CDCA4: variants seen among roughly 807,000 people sequenced by gnomAD.
The protein encoded by CDCA4 is cell division cycle associated 4, also known as cell division cycle-associated protein 4.
For missense variants in CDCA4, 294 were observed against 322.1 expected (o/e 0.91, Z 0.67); for synonymous variants, 130 against 137.0 (o/e 0.95, Z 0.36).
chr14:105,012,025 C>A lies in CDCA4; in HGVS notation c.-6-90G>T, dbSNP rs369116805. 4 of 1,451,278 alleles carry A rather than the reference C, an allele frequency of 2.8e-6. No homozygotes were observed. The Admixed American group carries it at 8.2e-5, about 30-fold the overall frequency. The allele number at this position is 1,451,278 out of a possible 1,614,324, so 89.9% of individuals were successfully genotyped here. Reference sequence around the variant, plus strand: ...ATTTCGTCTGACTGCCCTCACTGTACGCAAGGAGCAGCGACTCCGTAACTG... The same window carrying A: ...ATTTCGTCTGACTGCCCTCACTGTAAGCAAGGAGCAGCGACTCCGTAACTG... On this transcript the variant is annotated intron_variant, in intron 1 of 1. Coordinates refer to ENST00000336219, the MANE Select transcript of CDCA4 (RefSeq NM_017955.4).
chr14:105,011,073 G>T lies in CDCA4; in HGVS notation c.*131C>A. ...GCTGCAGCCCCACTGGTAATGGGCTGTTCTGGGATTTCTCAGAATCAGCAG... is the reference window on the plus strand; with the variant it reads ...GCTGCAGCCCCACTGGTAATGGGCTTTTCTGGGATTTCTCAGAATCAGCAG... On this transcript the variant is annotated 3_prime_UTR_variant, in exon 2 of 2. Coordinates refer to ENST00000336219, the MANE Select transcript of CDCA4 (RefSeq NM_017955.4). The T allele has an allele frequency of 8.7e-7, 1 of 1,154,406 alleles. No individual in the cohort carries two copies. Among genetic ancestry groups the T allele is most frequent in the Non-Finnish European group, 1.2e-6 (1 of 839,282 alleles). 71.5% of individuals were successfully genotyped at this position (1,154,406 alleles called of 1,614,324 possible).
Position 105,011,827 on chromosome 14 carries a change from G to A in CDCA4, c.103C>T (p.Gln35Ter). 1.2e-6 allele frequency: 2 copies of A among 1,613,860 alleles called. No individual in the cohort carries two copies. Among genetic ancestry groups the A allele is most frequent in the Non-Finnish European group, 1.7e-6 (2 of 1,180,042 alleles). ...KTVSSYSLQR[Q>*]SLLDMSLVKL... ...ACCAGAGACATGTCCAGGAGCGACTGCCGCTGCAGGCTGTATGAGGACACT... is the reference window on the plus strand; with the variant it reads ...ACCAGAGACATGTCCAGGAGCGACTACCGCTGCAGGCTGTATGAGGACACT... The change falls in exon 2 of 2, where the codon CAG becomes TAG. Residue 35 changes from glutamine to a stop codon, truncating the protein, a stop_gained. Coordinates refer to ENST00000336219, the MANE Select transcript of CDCA4 (RefSeq NM_017955.4). LOFTEE classifies it low-confidence loss of function (END_TRUNC).
At chr14:105,018,288 G>C (rs1488859198) in intron 1 of CDCA4, among the ~76,000 whole-genome samples, 1 of 152,010 alleles carries the variant, frequency 6.6e-6, no homozygotes, top group African/African-American at 2.4e-5. Flanking sequence ...GGTACCAGGA[G>C]AATATCCCTG....
intron 1 of CDCA4, among the ~76,000 whole-genome samples, chr14:105,019,190 G>A (rs1468939574): frequency 6.6e-6 from 1 of 152,116 alleles, no homozygotes; most frequent in Admixed American, 6.5e-5. Flanking sequence ...AGAGAAAAAC[G>A]AAGAGGGCCA....
chr14:105,012,263 T>C (rs2140908355), intron 1 of CDCA4, among the ~76,000 whole-genome samples: 1 of 152,344 alleles, frequency 6.6e-6, no homozygotes, highest in South Asian at 2.1e-4. Flanking sequence ...GAAATGTAAG[T>C]GTTCGAGAGC....
In CDCA4 at chr14:105,011,105, C is replaced by G; in HGVS notation, c.*99G>C. 1.5e-6 allele frequency: 2 copies of G among 1,377,290 alleles called. No homozygotes were observed. Among genetic ancestry groups the G allele is most frequent in the Non-Finnish European group, 9.7e-7 (1 of 1,027,566 alleles). The allele number at this position is 1,377,290 out of a possible 1,614,324, so 85.3% of individuals were successfully genotyped here. The stretch of plus-strand genomic sequence containing the variant: ...GATTTCTCAGAATCAGCAGACAGGG[C>G]AGCAAGGCTGGGCCGCTGGCGGCAG... On this transcript the variant is annotated 3_prime_UTR_variant, in exon 2 of 2. Coordinates refer to ENST00000336219, the MANE Select transcript of CDCA4 (RefSeq NM_017955.4).
At position 105,011,615 on chromosome 14, in the gene CDCA4, C is replaced by G. The variant is rs529314279; in HGVS notation, c.315G>C (p.Ala105=). The change falls in exon 2 of 2, where the codon GCG becomes GCC. Residue 105 remains alanine, a synonymous_variant. Coordinates refer to ENST00000336219, the MANE Select transcript of CDCA4 (RefSeq NM_017955.4). ...LVSTEILCRA[A]WGQEGAHPAP... is the part of the protein sequence containing the mutation. ...CAGGATGTGCCCCCTCTTGCCCCCA[C>G]GCTGCACGGCACAGGATCTCCGTGG... is the stretch of plus-strand genomic sequence containing the variant. 6 of 1,613,838 alleles carry G rather than the reference C, an allele frequency of 3.7e-6. No homozygotes were observed. Among genetic ancestry groups the G allele is most frequent in the Non-Finnish European group, 5.1e-6 (6 of 1,180,030 alleles).
chr14:105,020,907 A>C (rs1348441553), intron 1 of CDCA4, 92 bp downstream of exon 1: 1 of 151,096 alleles, frequency 6.6e-6, no homozygotes, highest in Non-Finnish European at 1.5e-5. Flanking sequence ...GGAGCCACAG[A>C]CTCCGCGCAC....
At chr14:105,012,061 G>C in intron 1 of CDCA4, 126 bp from the exon 2 acceptor site, 1 of 1,121,812 alleles carries the variant, frequency 8.9e-7, no homozygotes, top group Non-Finnish European at 1.3e-6. Flanking sequence ...GCAGGGACTT[G>C]ACAGAGCTGT....
At chr14:105,012,070 G>A (rs1409232290) in intron 1 of CDCA4, 135 bp from the exon 2 acceptor site, 5 of 1,027,534 alleles carry the variant, frequency 4.9e-6, no homozygotes, top group Non-Finnish European at 4.2e-6. Context: ...TGACAGAGCT[G>A]TAACTCCCTA....
chr14:105,015,007 GCAGGGCAAT>G (rs1900606750), intron 1 of CDCA4, among the ~76,000 whole-genome samples: 1 of 152,214 alleles, frequency 6.6e-6, no homozygotes. Flanking sequence ...GCACGACTGA[GCAGGGCAAT>G]CAGGGCAACT....
chr14:105,020,254 A>G (rs1361081888), intron 1 of CDCA4, among the ~76,000 whole-genome samples: 1 of 152,250 alleles, frequency 6.6e-6, no homozygotes, highest in African/African-American at 2.4e-5. Context: ...TTTTGTGAAC[A>G]GGCAATGTTT....
chr14:105,011,027 G>A lies in CDCA4; in HGVS notation c.*177C>T. ...TCTGCCTGGCGCTCCACAGGGGGGAGGTGAGTGGGACGGGCCTAGGGCTGC... is the reference window on the plus strand; with the variant it reads ...TCTGCCTGGCGCTCCACAGGGGGGAAGTGAGTGGGACGGGCCTAGGGCTGC... On this transcript the variant is annotated 3_prime_UTR_variant, in exon 2 of 2. Coordinates refer to ENST00000336219, the MANE Select transcript of CDCA4 (RefSeq NM_017955.4). 1.4e-6 allele frequency: 1 copy of A among 722,958 alleles called. No homozygotes were observed. Among genetic ancestry groups the A allele is most frequent in the Non-Finnish European group, 2.2e-6 (1 of 451,944 alleles). The allele number at this position is 722,958 out of a possible 1,614,324, so 44.8% of individuals were successfully genotyped here.
Position 105,011,256 on chromosome 14 carries a change from T to A in CDCA4, c.674A>T (p.Lys225Met). 3 of 1,613,552 alleles carry A rather than the reference T, an allele frequency of 1.9e-6. No individual in the cohort carries two copies. The highest frequency in any genetic ancestry group is 2.5e-6 in the Non-Finnish European group (3 of 1,179,860). Residue 225 changes from lysine to methionine, a missense_variant, in exon 2 of 2, where the codon AAG becomes ATG. Transcript: ENST00000336219. ...GTGGTCCAGCTCGCCCAGGTCGGAC[T>A]TGCAGCTGGAGCTAGGGCCTGGGGT... ...PATPGPSSSC[K>M]SDLGELDHVV...
chr14:105,018,283 C>T (rs910921924), intron 1 of CDCA4, among the ~76,000 whole-genome samples: 2 of 151,916 alleles, frequency 1.3e-5, no homozygotes, highest in South Asian at 4.2e-4. Flanking sequence ...ATTCTGGTAC[C>T]AGGAGAATAT....
At chr14:105,013,131 C>T (rs913755175) in intron 1 of CDCA4, among the ~76,000 whole-genome samples, 4 of 152,214 alleles carry the variant, frequency 2.6e-5, no homozygotes, top group African/African-American at 4.8e-5. Flanking sequence ...TCCACTAAGA[C>T]GCACAGCACA....
intron 1 of CDCA4, among the ~76,000 whole-genome samples, chr14:105,012,748 C>T (rs1429337798): frequency 6.6e-6 from 1 of 152,218 alleles, no homozygotes; most frequent in Non-Finnish European, 1.5e-5. Context: ...CCCCACCCGC[C>T]CCACCAGTTC....
At chr14:105,013,639 C>T (rs1003145456) in intron 1 of CDCA4, among the ~76,000 whole-genome samples, 3 of 151,976 alleles carry the variant, frequency 2.0e-5, no homozygotes, top group Admixed American at 6.6e-5. Flanking sequence ...TTTTGCAGTG[C>T]GGGAGAACTG....
Position 105,018,262 on chromosome 14 carries a change from G to A in CDCA4, c.-7+2737C>T, listed in dbSNP as rs190168696. ...CATCCTCCACTGCATCTCATCCCATGCACAGATCCCATTCTGGTACCAGGA... is the reference window on the plus strand; with the variant it reads ...CATCCTCCACTGCATCTCATCCCATACACAGATCCCATTCTGGTACCAGGA... On this transcript the variant is annotated intron_variant, in intron 1 of 1. Transcript: ENST00000336219. Among the ~76,000 whole-genome samples the A allele has an allele frequency of 5.4e-3, 823 of 151,904 alleles. 5 individuals carry two copies. The highest frequency in any genetic ancestry group is 0.019 in the African/African-American group (793 of 41,490).
Sources: gnomAD v4.1 joint callset for allele counts (sites outside exome capture counted in the v4.1 genomes callset) on GRCh38, gnomAD v4.1.1 for gene constraint, MANE v1.5 for transcripts, NCBI Gene and HGNC (gene_info 2026-07-23, HGNC 2026-07-21) for gene names.